The following MTHFD1L variants were observed in gnomAD, a reference collection of about 807,000 sequenced individuals.
MTHFD1L encodes the protein methylenetetrahydrofolate dehydrogenase (NADP+ dependent) 1 like, also known as monofunctional C1-tetrahydrofolate synthase, mitochondrial.
MTHFD1L carries 81 observed loss-of-function variants against 119.5 expected under a neutral mutation model. That is an observed-to-expected ratio of 0.68 (90% CI 0.57 to 0.82). The LOEUF is 0.82. Among genes scored for constraint, MTHFD1L ranks in the 40% least tolerant of loss-of-function variants. The pLI is 0.00. For missense variants in MTHFD1L, 1,125 were observed against 1,253.4 expected (o/e 0.90, Z 1.55); for synonymous variants, 430 against 475.2 (o/e 0.90, Z 1.24).
chr6:150,873,581 A>C (rs1011325606), intron 1 of MTHFD1L, among the ~76,000 whole-genome samples: 1 of 152,114 alleles, frequency 6.6e-6, no homozygotes, highest in African/African-American at 2.4e-5. Context: ...CCGTATTTCC[A>C]CTTAGTGTCT....
intron 25 of MTHFD1L, among the ~76,000 whole-genome samples, chr6:151,035,282 A>C (rs890206023): frequency 1.3e-5 from 2 of 152,198 alleles, no homozygotes; most frequent in African/African-American, 4.8e-5. Context: ...AAAGGACCGT[A>C]TGCCTCGAGT....
rs531010887 is a variant in MTHFD1L at position 150,948,741 on chromosome 6, A to G, written c.1624-290A>G. On this transcript the variant is annotated intron_variant, in intron 15 of 27. Transcript: ENST00000367321. The stretch of plus-strand genomic sequence containing the variant: ...CCGCAACCTCCGCCTCCCAGGTTAC[A>G]GCGATTCTCCTGCCTCAGTTTCCCA... Among the ~76,000 whole-genome samples the G allele has an allele frequency of 8.6e-5, 13 of 150,906 alleles. No individual in the cohort carries two copies. The East Asian group carries it at 2.6e-3, about 30-fold the overall frequency.
chr6:150,985,660 CAAAAAAA>C (rs71014533), intron 20 of MTHFD1L, among the ~76,000 whole-genome samples: 2 of 78,970 alleles, frequency 2.5e-5, no homozygotes, highest in South Asian at 5.4e-4. Context: ...GACTCTGTCT[CAAAAAAA>C]AAAAAAAAAA....
At chr6:151,079,011 C>T (rs1339819887) in intron 26 of MTHFD1L, among the ~76,000 whole-genome samples, 3 of 152,116 alleles carry the variant, frequency 2.0e-5, no homozygotes, top group Admixed American at 6.6e-5. Context: ...TGAGCCTATA[C>T]GTGAACGTAC....
intron 24 of MTHFD1L, among the ~76,000 whole-genome samples, chr6:151,030,919 G>T (rs750236041): frequency 6.6e-6 from 1 of 152,194 alleles, no homozygotes; most frequent in East Asian, 1.9e-4. Flanking sequence ...TGCAGGGCAC[G>T]CCTGTAATCC....
intron 11 of MTHFD1L, among the ~76,000 whole-genome samples, chr6:150,932,614 A>T (rs1166763780): frequency 6.6e-6 from 1 of 152,124 alleles, no homozygotes; most frequent in Non-Finnish European, 1.5e-5. Context: ...TACTAAAAAT[A>T]CAAAAATTAG....
intron 25 of MTHFD1L, among the ~76,000 whole-genome samples, chr6:151,035,680 G>A (rs554672451): frequency 0.012 from 1,807 of 151,832 alleles, 29 homozygotes; most frequent in African/African-American, 0.041. Context: ...TTTTTTTTCC[G>A]TGAGTTTTTA....
chr6:150,960,447 G>A, intron 18 of MTHFD1L, 32 bp downstream of exon 18: 1 of 1,583,364 alleles, frequency 6.3e-7, no homozygotes, highest in Non-Finnish European at 8.6e-7. Flanking sequence ...GCTTCAGGGA[G>A]TGGACGGTCC....
At chr6:150,892,070 G>A (rs868374183) in intron 7 of MTHFD1L, among the ~76,000 whole-genome samples, 32 of 152,172 alleles carry the variant, frequency 2.1e-4, no homozygotes, top group African/African-American at 6.3e-4. Context: ...ACCTGTGTGC[G>A]TTTTTAGCAG....
chr6:150,944,660 T>C, intron 14 of MTHFD1L, 67 bp downstream of exon 14: 1 of 1,225,014 alleles, frequency 8.2e-7, no homozygotes, highest in Non-Finnish European at 1.2e-6. Context: ...CTTAAGGAGT[T>C]TGTGGAAAGA....
At chr6:151,009,740 T>C in intron 20 of MTHFD1L, 79 bp from the exon 21 acceptor site, 1 of 1,500,354 alleles carries the variant, frequency 6.7e-7, no homozygotes, top group South Asian at 1.2e-5. Context: ...TCCTTTGAGC[T>C]CGAATCATAG....
chr6:151,000,887 A>G (rs894220981), intron 20 of MTHFD1L, among the ~76,000 whole-genome samples: 1 of 152,240 alleles, frequency 6.6e-6, no homozygotes, highest in African/African-American at 2.4e-5. Flanking sequence ...ACTGTCCAGC[A>G]TACACCTTGC....
At chr6:150,867,707 C>G (rs2128712102) in intron 1 of MTHFD1L, among the ~76,000 whole-genome samples, 1 of 152,240 alleles carries the variant, frequency 6.6e-6, no homozygotes, top group East Asian at 1.9e-4. Context: ...GGAGAGAGTG[C>G]CCAGCATGTA....
Position 151,034,584 on chromosome 6 carries a change from A to T in MTHFD1L, c.2678A>T (p.Asp893Val). The change falls in exon 25 of 28, where the codon GAT becomes GTT. Residue 893 changes from aspartate (D) to valine (V), a missense_variant. This residue lies in a region of MTHFD1L where 1,058 missense variants were observed against 1,151.2 expected (regional missense o/e 0.92). Coordinates refer to ENST00000367321, the MANE Select transcript of MTHFD1L (RefSeq NM_015440.5). ...TCTCCTGAGGCACAAGCCAAAATAG[A>T]TCGTTACACTCAACAGGTAAAAGTT... ...ELSPEAQAKI[D>V]RYTQQGFGNL... 2 of 1,609,516 alleles carry T rather than the reference A, an allele frequency of 1.2e-6. No individual in the cohort carries two copies. The highest frequency in any genetic ancestry group is 1.7e-6 in the Non-Finnish European group (2 of 1,177,606).
intron 20 of MTHFD1L, among the ~76,000 whole-genome samples, chr6:151,001,327 T>A (rs1410244560): frequency 6.6e-6 from 1 of 152,222 alleles, no homozygotes; most frequent in East Asian, 1.9e-4. Flanking sequence ...AATTTGCAAT[T>A]CTGGTGGCAA....
intron 16 of MTHFD1L, among the ~76,000 whole-genome samples, chr6:150,950,030 T>G (rs1794614030): frequency 6.6e-6 from 1 of 151,892 alleles, no homozygotes. Flanking sequence ...TGCTCACATT[T>G]GGAACATATT....
At chr6:150,929,483 G>T (rs540043502) in intron 11 of MTHFD1L, among the ~76,000 whole-genome samples, 8 of 152,282 alleles carry the variant, frequency 5.3e-5, no homozygotes, top group African/African-American at 1.9e-4. Flanking sequence ...TCCAGATATG[G>T]ATGGCTCTGA....
intron 24 of MTHFD1L, among the ~76,000 whole-genome samples, chr6:151,032,855 G>A (rs947486911): frequency 2.6e-5 from 4 of 152,182 alleles, no homozygotes; most frequent in Admixed American, 6.5e-5. Context: ...AATAAAAACT[G>A]TAGTAATGAA....
At chr6:150,944,733 C>G in intron 14 of MTHFD1L, 140 bp downstream of exon 14, 2 of 658,934 alleles carry the variant, frequency 3.0e-6, no homozygotes, top group Non-Finnish European at 5.3e-6. Flanking sequence ...TACATATGTC[C>G]CTGTTTCCCA....
Sources: allele counts gnomAD v4.1 joint callset (sites outside exome capture counted in the v4.1 genomes callset), GRCh38; gene constraint gnomAD v4.1.1; regional missense constraint gnomAD v4.1.1; transcripts MANE v1.5; gene names NCBI Gene and HGNC (gene_info 2026-07-23, HGNC 2026-07-21).